Variants in SLC19A2 observed in about 807,000 individuals in gnomAD.
SLC19A2 encodes thiamine transporter 1.
In SLC19A2, 27 loss-of-function variants were observed where a neutral mutation model predicts 44.7. The ratio of observed to expected loss-of-function variants is 0.60; its 90% confidence interval spans 0.45 to 0.83. The LOEUF (loss-of-function observed/expected upper bound fraction) is 0.83. SLC19A2 is among the 40% of genes least tolerant of loss of function. SLC19A2 has a pLI of 0.00. For synonymous variants in SLC19A2, 239 were observed against 243.6 expected (o/e 0.98, Z 0.18); for missense variants, 566 against 613.7 (o/e 0.92, Z 0.82).
At chr1:169,479,635 T>G (rs1039100247) in intron 1 of SLC19A2, among the ~76,000 whole-genome samples, 3 of 152,366 alleles carry the variant, frequency 2.0e-5, no homozygotes, top group Admixed American at 1.3e-4. Context: ...TGGGGCAGTA[T>G]GAATTAACTA....
At chr1:169,477,997 C>T (rs1658365421) in intron 1 of SLC19A2, among the ~76,000 whole-genome samples, 1 of 152,120 alleles carries the variant, frequency 6.6e-6, no homozygotes. Flanking sequence ...ACCTCTGCCT[C>T]CCAGGTTCAA....
chr1:169,485,488 G>T, intron 1 of SLC19A2, 75 bp downstream of exon 1: 3 of 1,489,668 alleles, frequency 2.0e-6, no homozygotes, highest in Middle Eastern at 2.3e-4. Flanking sequence ...CGCTTTTCTC[G>T]GTCCTCTCTT....
chr1:169,475,893 G>C (rs1658293417), intron 2 of SLC19A2, among the ~76,000 whole-genome samples: 1 of 152,174 alleles, frequency 6.6e-6, no homozygotes, highest in Non-Finnish European at 1.5e-5. Flanking sequence ...GAGGACATTA[G>C]ATGCCACATT....
intron 5 of SLC19A2, among the ~76,000 whole-genome samples, chr1:169,466,859 T>G (rs1658005681): frequency 6.6e-6 from 1 of 152,154 alleles, no homozygotes. Flanking sequence ...ATATGGTTTA[T>G]TAACATCATC....
intron 2 of SLC19A2, among the ~76,000 whole-genome samples, chr1:169,474,419 T>C (rs998959040): frequency 3.9e-5 from 6 of 152,152 alleles, no homozygotes; most frequent in Non-Finnish European, 7.4e-5. Flanking sequence ...TCAAAATAAA[T>C]CAGTTTCACC....
intron 2 of SLC19A2, among the ~76,000 whole-genome samples, chr1:169,470,975 C>A (rs1407459084): frequency 6.6e-6 from 1 of 151,396 alleles, no homozygotes; most frequent in Non-Finnish European, 1.5e-5. Flanking sequence ...ATAATCTCAG[C>A]ACTTTGGGAG....
Position 169,477,294 on chromosome 1 carries a change from G to A in SLC19A2, c.668C>T (p.Thr223Ile). 6.2e-7 allele frequency: 1 copy of A among 1,614,184 alleles called. No individual in the cohort carries two copies. Residue 223 changes from threonine to isoleucine, a missense_variant, in exon 2 of 6, where the codon ACC (threonine) becomes ATC (isoleucine). By Grantham distance (89) the Thr-to-Ile change is moderately conservative. Coordinates refer to ENST00000236137, the MANE Select transcript of SLC19A2 (RefSeq NM_006996.3). ...CTTGATGCCATTCACTCTCTGGCAG[G>A]TAGAAGGAATGTGGTGAAAGAAGAG... Reference protein sequence around the residue: ...KSLFFHHIPSTCQRVNGIKVQ... With the variant: ...KSLFFHHIPSICQRVNGIKVQ...
intron 2 of SLC19A2, among the ~76,000 whole-genome samples, chr1:169,470,899 A>G (rs2101775462): frequency 6.6e-6 from 1 of 152,274 alleles, no homozygotes; most frequent in East Asian, 1.9e-4. Flanking sequence ...CTAATCTACC[A>G]AAGGTTACTG....
At chr1:169,466,762 T>A (rs1383286861) in intron 5 of SLC19A2, among the ~76,000 whole-genome samples, 1 of 151,936 alleles carries the variant, frequency 6.6e-6, no homozygotes, top group African/African-American at 2.4e-5. Context: ...CAACACCGAC[T>A]TATGAGTGAG....
intron 5 of SLC19A2, 113 bp from the exon 6 acceptor site, chr1:169,466,090 C>A: frequency 8.1e-7 from 1 of 1,234,714 alleles, no homozygotes; most frequent in East Asian, 2.5e-5. Context: ...ATACTTACAC[C>A]ACGTGCCAGA....
intron 1 of SLC19A2, among the ~76,000 whole-genome samples, chr1:169,483,289 G>A (rs1658482536): frequency 2.0e-5 from 3 of 152,140 alleles, no homozygotes; most frequent in African/African-American, 2.4e-5. Context: ...CTTAGCATTA[G>A]CTTTGCTTAA....
intron 3 of SLC19A2, among the ~76,000 whole-genome samples, chr1:169,469,645 A>G (rs1266020618): frequency 6.6e-6 from 1 of 152,224 alleles, no homozygotes; most frequent in Non-Finnish European, 1.5e-5. Context: ...ACTATTATAT[A>G]TTGCCATTCA....
intron 2 of SLC19A2, among the ~76,000 whole-genome samples, chr1:169,472,782 G>A (rs973069559): frequency 6.6e-6 from 1 of 152,222 alleles, no homozygotes; most frequent in Non-Finnish European, 1.5e-5. Context: ...CTTCTATGCT[G>A]TTTTCTAGGC....
chr1:169,466,697 C>G (rs1330839900), intron 5 of SLC19A2, among the ~76,000 whole-genome samples: 1 of 152,064 alleles, frequency 6.6e-6, no homozygotes, highest in African/African-American at 2.4e-5. Context: ...TCCCACCCCC[C>G]AACAGGCCCC....
intron 1 of SLC19A2, among the ~76,000 whole-genome samples, chr1:169,481,150 C>G (rs1658434750): frequency 6.6e-6 from 1 of 152,234 alleles, no homozygotes; most frequent in Non-Finnish European, 1.5e-5. Context: ...TAACAAACCT[C>G]TACTGCTGTG....
intron 1 of SLC19A2, among the ~76,000 whole-genome samples, chr1:169,479,784 C>T (rs1366591631): frequency 6.6e-6 from 1 of 152,186 alleles, no homozygotes; most frequent in East Asian, 1.9e-4. Context: ...TGTGATGAAG[C>T]AACCTAATCC....
At chr1:169,469,693 C>G (rs541493478) in intron 3 of SLC19A2, among the ~76,000 whole-genome samples, 2 of 152,216 alleles carry the variant, frequency 1.3e-5, no homozygotes, top group Non-Finnish European at 2.9e-5. Context: ...CCAGTAAATA[C>G]AGAGATAATG....
chr1:169,475,366 T>C (rs1265446848), intron 2 of SLC19A2, among the ~76,000 whole-genome samples: 2 of 152,164 alleles, frequency 1.3e-5, no homozygotes, highest in Non-Finnish European at 1.5e-5. Flanking sequence ...AATATATACA[T>C]ACCTATGTAT....
intron 2 of SLC19A2, among the ~76,000 whole-genome samples, chr1:169,471,493 A>G (rs1056030150): frequency 7.4e-6 from 1 of 135,160 alleles, no homozygotes; most frequent in African/African-American, 2.6e-5. Context: ...ACACACACAC[A>G]CACACACACA....
Sources: gnomAD v4.1 joint callset for allele counts (sites outside exome capture counted in the v4.1 genomes callset) on GRCh38, gnomAD v4.1.1 for gene constraint, MANE v1.5 for transcripts, NCBI Gene and HGNC (gene_info 2026-07-23, HGNC 2026-07-21) for gene names.